The following ADCY2 variants were observed in gnomAD, a reference collection of about 807,000 sequenced individuals.
ADCY2 encodes the protein adenylate cyclase type 2.
ADCY2 carries 31 observed loss-of-function variants against 125.2 expected under a neutral mutation model. That is an observed-to-expected ratio of 0.25 (90% CI 0.19 to 0.33). The LOEUF (loss-of-function observed/expected upper bound fraction) is 0.33. Among genes scored for constraint, ADCY2 ranks in the 10% least tolerant of loss-of-function variants. The pLI is 1.00. For synonymous variants in ADCY2, 512 were observed against 548.4 expected (o/e 0.93, Z 0.93); for missense variants, 904 against 1,418.2 (o/e 0.64, Z 5.82).
chr5:7,553,601 G>A (rs549320688), intron 3 of ADCY2, among the ~76,000 whole-genome samples: 1 of 152,246 alleles, frequency 6.6e-6, no homozygotes, highest in Non-Finnish European at 1.5e-5. Context: ...CCTGGGTAAT[G>A]ATTTTGAGAG....
At chr5:7,555,883 C>CACACACACAG (rs146786610) in intron 3 of ADCY2, among the ~76,000 whole-genome samples, 1 of 150,900 alleles carries the variant, frequency 6.6e-6, no homozygotes, top group Non-Finnish European at 1.5e-5. Flanking sequence ...CACACACACA[C>CACACACACAG]AGACATGATT....
At chr5:7,513,096 C>CACACAT in intron 2 of ADCY2, among the ~76,000 whole-genome samples, 1 of 144,726 alleles carries the variant, frequency 6.9e-6, no homozygotes, top group East Asian at 2.1e-4. Flanking sequence ...CACACACACA[C>CACACAT]ACACACACAC....
intron 15 of ADCY2, among the ~76,000 whole-genome samples, chr5:7,754,862 GAA>G (rs905197674): frequency 7.2e-6 from 1 of 139,434 alleles, no homozygotes; most frequent in African/African-American, 2.6e-5. Context: ...TCCGTCTCAG[GAA>G]AAAAAAAAAG....
rs184136027 is a variant in ADCY2, at chr5:7,644,474, C to T, written c.720+18158C>T. Among the ~76,000 whole-genome samples the T allele has an allele frequency of 7.4e-4, 112 of 152,230 alleles. 1 individual carries two copies. The highest frequency in any genetic ancestry group is 2.6e-3 in the Admixed American group (40 of 15,280). On this transcript the variant is annotated intron_variant, in intron 4 of 24. Coordinates refer to ENST00000338316, the MANE Select transcript of ADCY2 (RefSeq NM_020546.3). Reference sequence around the variant, plus strand: ...GACTCTGCACAGGGGCACATTTTCTCCATATTTATGTTGGCCAGCTTTTAG... The same window carrying T: ...GACTCTGCACAGGGGCACATTTTCTTCATATTTATGTTGGCCAGCTTTTAG...
chr5:7,629,196 G>A (rs193102455), intron 4 of ADCY2, among the ~76,000 whole-genome samples: 1 of 152,210 alleles, frequency 6.6e-6, no homozygotes, highest in Non-Finnish European at 1.5e-5. Context: ...GCTCCCAGAG[G>A]TTGAGAGGCG....
chr5:7,641,880 A>G (rs1240276571), intron 4 of ADCY2, among the ~76,000 whole-genome samples: 1 of 152,196 alleles, frequency 6.6e-6, no homozygotes, highest in Non-Finnish European at 1.5e-5. Flanking sequence ...GCTGCATAGT[A>G]TCCCATAGTG....
chr5:7,599,237 G>GGCAGTACGA (rs1253204158), intron 3 of ADCY2, among the ~76,000 whole-genome samples: 15 of 152,142 alleles, frequency 9.9e-5, no homozygotes, highest in Admixed American at 9.8e-4. Flanking sequence ...ACAGCCCAGG[G>GGCAGTACGA]GCAGTACGAG....
In ADCY2 at chr5:7,668,444, A is replaced by G. The variant is rs139450465; in HGVS notation, c.721-22247A>G. Among the ~76,000 whole-genome samples, 692 of 152,316 alleles carry G rather than the reference A, an allele frequency of 4.5e-3. 5 individuals are homozygous for G. Among genetic ancestry groups the G allele is most frequent in the African/African-American group, 0.015 (643 of 41,564 alleles). On this transcript the variant is annotated intron_variant, in intron 4 of 24. Coordinates refer to ENST00000338316, the MANE Select transcript of ADCY2 (RefSeq NM_020546.3). ...AAATGTTCTCTCTCTCTCTCAATAG[A>G]CAGATAGACAGCAATGGACACATCC...
chr5:7,674,227 T>C (rs1361012217), intron 4 of ADCY2, among the ~76,000 whole-genome samples: 1 of 152,210 alleles, frequency 6.6e-6, no homozygotes, highest in Non-Finnish European at 1.5e-5. Flanking sequence ...GAGCATCGTA[T>C]TTCCAGGCTC....
chr5:7,703,544 G>T (rs931331621), intron 7 of ADCY2, among the ~76,000 whole-genome samples: 9 of 152,066 alleles, frequency 5.9e-5, no homozygotes, highest in African/African-American at 2.2e-4. Flanking sequence ...TAGATGTGTG[G>T]TATTATTTCT....
intron 3 of ADCY2, among the ~76,000 whole-genome samples, chr5:7,563,720 C>G (rs753159716): frequency 5.3e-5 from 8 of 152,156 alleles, no homozygotes; most frequent in Non-Finnish European, 1.0e-4. Context: ...TTTAAGGCAT[C>G]CAGTGCTTAC....
Position 7,598,918 on chromosome 5 carries a change from T to G in ADCY2, c.571-27249T>G, listed in dbSNP as rs1737103891. Among the ~76,000 whole-genome samples, 3 of 152,126 alleles carry G rather than the reference T, an allele frequency of 2.0e-5. No homozygotes were observed. The South Asian group carries it at 6.2e-4, about 32-fold the overall frequency. On this transcript the variant is annotated intron_variant, in intron 3 of 24. Coordinates refer to ENST00000338316, the MANE Select transcript of ADCY2 (RefSeq NM_020546.3). ...TTGGAATCCATGGTGGACTTCAGAG[T>G]TGAAGGAGACGTGGACATTTTTTGT...
At chr5:7,702,173 C>T (rs1220206272) in intron 7 of ADCY2, among the ~76,000 whole-genome samples, 1 of 151,404 alleles carries the variant, frequency 6.6e-6, no homozygotes, top group Non-Finnish European at 1.5e-5. Flanking sequence ...GGACTGATCA[C>T]CTGAGGTCAG....
intron 15 of ADCY2, among the ~76,000 whole-genome samples, chr5:7,756,652 G>A (rs1306825581): frequency 6.6e-6 from 1 of 152,170 alleles, no homozygotes; most frequent in Non-Finnish European, 1.5e-5. Flanking sequence ...ACAGGAAGGG[G>A]AATGGTGGTT....
rs73046340 is a variant in ADCY2, at chr5:7,498,957, T to G, written c.409-21781T>G. Reference sequence around the variant, plus strand: ...TATATGTTGTATGAGTCCATTCATATAAATCTTAAAAATAGCCAAAATTAT... The same window carrying G: ...TATATGTTGTATGAGTCCATTCATAGAAATCTTAAAAATAGCCAAAATTAT... On this transcript the variant is annotated intron_variant, in intron 2 of 24. Transcript: ENST00000338316. 6.8e-3 allele frequency among the ~76,000 whole-genome samples: 1,032 copies of G among 152,264 alleles called. 14 individuals are homozygous for G. Among genetic ancestry groups the G allele is most frequent in the African/African-American group, 0.023 (968 of 41,562 alleles).
At chr5:7,747,449 C>A (rs1296490765) in intron 15 of ADCY2, among the ~76,000 whole-genome samples, 2 of 152,176 alleles carry the variant, frequency 1.3e-5, no homozygotes, top group Non-Finnish European at 2.9e-5. Context: ...TCCCTCATCT[C>A]ATGGAGGCCA....
intron 2 of ADCY2, among the ~76,000 whole-genome samples, chr5:7,512,715 T>C (rs1329753183): frequency 6.6e-6 from 1 of 152,142 alleles, no homozygotes; most frequent in East Asian, 1.9e-4. Flanking sequence ...CACTATGGTA[T>C]ATGAACATGG....
At chr5:7,670,010 C>A (rs1024518890) in intron 4 of ADCY2, among the ~76,000 whole-genome samples, 2 of 152,214 alleles carry the variant, frequency 1.3e-5, no homozygotes, top group South Asian at 4.1e-4. Context: ...TATGGCCCAG[C>A]ACATGGTGCC....
chr5:7,494,699 T>C (rs1743285700), intron 2 of ADCY2, among the ~76,000 whole-genome samples: 2 of 152,178 alleles, frequency 1.3e-5, no homozygotes, highest in South Asian at 4.1e-4. Context: ...TCCATTTTAA[T>C]GCCACAGTAA....
Sources: allele counts gnomAD v4.1 joint callset (sites outside exome capture counted in the v4.1 genomes callset), GRCh38; gene constraint gnomAD v4.1.1; transcripts MANE v1.5; gene names NCBI Gene and HGNC (gene_info 2026-07-23, HGNC 2026-07-21).